Variants in WDR59 observed in about 807,000 individuals in gnomAD.
The protein encoded by WDR59 is GATOR2 complex protein WDR59.
In WDR59, 100 loss-of-function variants were observed where a neutral mutation model predicts 131.2. That is an observed-to-expected ratio of 0.76 (90% CI 0.65 to 0.90). The LOEUF (loss-of-function observed/expected upper bound fraction) is 0.90. Among genes scored for constraint, WDR59 ranks in the 40% least tolerant of loss-of-function variants. The probability of loss-of-function intolerance (pLI) is 0.00; values close to 1 mark genes in which losing one functional copy is unlikely to be tolerated. For missense variants in WDR59, 1,203 were observed against 1,262.2 expected (o/e 0.95, Z 0.71); for synonymous variants, 601 against 466.2 (o/e 1.29, Z -3.72).
chr16:74,918,435 A>C (rs568357861), intron 10 of WDR59, among the ~76,000 whole-genome samples: 1 of 152,360 alleles, frequency 6.6e-6, no homozygotes, highest in African/African-American at 2.4e-5. Flanking sequence ...TCGTCCTTTT[A>C]CATGCTCTCG....
At chr16:74,963,383 T>C (rs1000269761) in intron 2 of WDR59, 6 of 152,198 alleles carry the variant, frequency 3.9e-5, no homozygotes, top group African/African-American at 7.2e-5. Context: ...ATGTGGTACA[T>C]ATACATCATG....
At chr16:74,960,961 A>T (rs1029636643) in intron 2 of WDR59, among the ~76,000 whole-genome samples, 2 of 152,052 alleles carry the variant, frequency 1.3e-5, no homozygotes, top group African/African-American at 4.8e-5. Context: ...TCAGCTATTT[A>T]CTTAAGTTTA....
At chr16:74,951,866 C>T (rs2033018581) in intron 3 of WDR59, among the ~76,000 whole-genome samples, 1 of 152,154 alleles carries the variant, frequency 6.6e-6, no homozygotes, top group South Asian at 2.1e-4. Context: ...ATGTCCCGGC[C>T]ACTAGAGGAA....
rs142941798 is a variant in WDR59 at position 74,951,578 on chromosome 16, T to C, written c.241-35A>G. ...AAGGAAAGAAGGCCACAGGCAAGTATGTTGGGATATATGGTCTTGCCCCAA... is the reference window on the plus strand; with the variant it reads ...AAGGAAAGAAGGCCACAGGCAAGTACGTTGGGATATATGGTCTTGCCCCAA... On this transcript the variant is annotated intron_variant, in intron 3 of 25. Transcript: ENST00000262144. 489 of 1,544,668 alleles carry C rather than the reference T, an allele frequency of 3.2e-4. 3 individuals are homozygous for C. In the African/African-American group the frequency reaches 6.1e-3, roughly 19 times the overall value.
Position 74,874,311 on chromosome 16 carries a change from ACAGGTCAGG to A in WDR59, c.2814_2822del (p.Leu939_Cys941del). On this transcript the variant is annotated inframe_deletion, in exon 26 of 26. Coordinates refer to ENST00000262144, the MANE Select transcript of WDR59 (RefSeq NM_030581.4). ...TGTGGCTGGTGTGGCCACCGTGCCC[ACAGGTCAGG>A]CAGAAATTGGACGATCCCCGCACAG... 6.2e-7 allele frequency: 1 copy of A among 1,614,152 alleles called. No individual in the cohort carries two copies. The highest frequency in any genetic ancestry group is 1.1e-5 in the South Asian group (1 of 91,090).
At chr16:74,884,784 G>A (rs918990052) in intron 25 of WDR59, among the ~76,000 whole-genome samples, 2 of 152,090 alleles carry the variant, frequency 1.3e-5, no homozygotes, top group African/African-American at 2.4e-5. Flanking sequence ...TGTTCACAAC[G>A]ACAGTCATTT....
rs779334542 is a variant in WDR59 at position 74,893,680 on chromosome 16, T to C, written c.1999A>G (p.Ile667Val). 11 of 1,614,036 alleles carry C rather than the reference T, an allele frequency of 6.8e-6. 1 individual carries two copies. The highest frequency in any genetic ancestry group is 3.3e-5 in the Admixed American group (2 of 60,010). Residue 667 changes from isoleucine (I) to valine (V), a missense_variant and splice_region_variant, in exon 19 of 26, where the codon ATA (isoleucine) becomes GTA (valine). Ile to Val is a conservative substitution (Grantham distance 29). Coordinates refer to ENST00000262144, the MANE Select transcript of WDR59 (RefSeq NM_030581.4). ...GCAGACTTGAAATTTTGTACTTACA[T>C]GTACAGCTCTCCCAGCGATTTGTGA... ...PVHKSLGELYILNVNDIQETC... is the reference protein window; with the variant it reads ...PVHKSLGELYVLNVNDIQETC...
chr16:74,877,122 T>C (rs955218338), intron 25 of WDR59, among the ~76,000 whole-genome samples: 5 of 152,050 alleles, frequency 3.3e-5, no homozygotes, highest in African/African-American at 1.2e-4. Context: ...AATGTTCCAG[T>C]TTTATTAAAA....
intron 9 of WDR59, among the ~76,000 whole-genome samples, chr16:74,923,682 C>T (rs774875283): frequency 5.3e-5 from 8 of 151,934 alleles, no homozygotes; most frequent in Non-Finnish European, 1.0e-4. Context: ...TTCACCATGG[C>T]CAGGATGGTC....
chr16:74,983,915 G>A (rs890534250), intron 1 of WDR59, among the ~76,000 whole-genome samples: 4 of 152,152 alleles, frequency 2.6e-5, no homozygotes, highest in African/African-American at 7.2e-5. Flanking sequence ...GGAGGTCGAA[G>A]CTGAACTGAG....
chr16:74,917,126 C>G (rs974255027), intron 11 of WDR59, among the ~76,000 whole-genome samples: 1 of 152,140 alleles, frequency 6.6e-6, no homozygotes, highest in Non-Finnish European at 1.5e-5. Context: ...GAGGACAGAA[C>G]CCTGTGATAA....
At chr16:74,885,828 C>A (rs762310713) in intron 24 of WDR59, 33 bp from the exon 25 acceptor site, 2 of 1,603,770 alleles carry the variant, frequency 1.2e-6, no homozygotes, top group Admixed American at 1.8e-5. Context: ...CCTGTCAGTT[C>A]CTTTAAGAAA....
chr16:74,895,712 T>A (rs1965266702), intron 18 of WDR59, among the ~76,000 whole-genome samples: 1 of 152,226 alleles, frequency 6.6e-6, no homozygotes, highest in Non-Finnish European at 1.5e-5. Flanking sequence ...ATTATGTGCA[T>A]ACACACAAAA....
intron 1 of WDR59, among the ~76,000 whole-genome samples, chr16:74,981,977 C>T (rs1456046649): frequency 1.9e-4 from 25 of 128,364 alleles, no homozygotes; most frequent in Non-Finnish European, 3.9e-4. Context: ...TTTTTTAGGC[C>T]AGGCACGGTG....
At chr16:74,969,715 T>C (rs112446434) in intron 1 of WDR59, among the ~76,000 whole-genome samples, 3,519 of 151,870 alleles carry the variant, frequency 0.023, 151 homozygotes, top group African/African-American at 0.08. Flanking sequence ...ATTACAGGCA[T>C]GTGCCACCAC....
At position 74,893,733 on chromosome 16, in the gene WDR59, A is replaced by G; in HGVS notation, c.1946T>C (p.Ile649Thr). Residue 649 changes from isoleucine (I) to threonine (T), a missense_variant, in exon 19 of 26, where the codon ATC becomes ACC. Transcript: ENST00000262144. Reference sequence around the variant, plus strand: ...AGGCAGGAGGCAAGCAATATCCTGGATGATGACTTTCCCAGCAGCCTTGAT... The same window carrying G: ...AGGCAGGAGGCAAGCAATATCCTGGGTGATGACTTTCCCAGCAGCCTTGAT... ...RQIKAAGKVI[I>T]QDIACLLPVH... is the part of the protein sequence containing the mutation. 1 of 1,614,150 alleles carries G rather than the reference A, an allele frequency of 6.2e-7. No individual in the cohort carries two copies. Among genetic ancestry groups the G allele is most frequent in the Non-Finnish European group, 8.5e-7 (1 of 1,180,020 alleles).
intron 1 of WDR59, among the ~76,000 whole-genome samples, chr16:74,982,427 T>C (rs936099204): frequency 2.6e-5 from 4 of 152,150 alleles, no homozygotes; most frequent in Non-Finnish European, 5.9e-5. Context: ...CTGTGACAAC[T>C]GCTGTTGAGG....
At chr16:74,945,728 C>T (rs924662981) in intron 6 of WDR59, among the ~76,000 whole-genome samples, 5 of 151,762 alleles carry the variant, frequency 3.3e-5, no homozygotes, top group Admixed American at 1.3e-4. Flanking sequence ...CCCTTATCCG[C>T]GGGTCCACCT....
At chr16:74,953,735 C>T (rs2033132153) in intron 3 of WDR59, among the ~76,000 whole-genome samples, 1 of 152,080 alleles carries the variant, frequency 6.6e-6, no homozygotes, top group South Asian at 2.1e-4. Flanking sequence ...GGCGTGGTGT[C>T]TCATGCCTGT....
Sources: allele counts gnomAD v4.1 joint callset (sites outside exome capture counted in the v4.1 genomes callset), GRCh38; gene constraint gnomAD v4.1.1; transcripts MANE v1.5; gene names NCBI Gene and HGNC (gene_info 2026-07-23, HGNC 2026-07-21).